The following FBXO25 variants were observed in gnomAD, a reference collection of about 807,000 sequenced individuals.
FBXO25 encodes the protein F-box protein 25, also known as F-box only protein 25.
In FBXO25, 45 loss-of-function variants were observed where a neutral mutation model predicts 51.9. The ratio of observed to expected loss-of-function variants is 0.87; its 90% CI spans 0.68 to 1.11. The LOEUF (loss-of-function observed/expected upper bound fraction) is 1.11. Ranked by LOEUF, FBXO25 falls within the 50% of genes most tolerant of loss-of-function variation. The pLI, the probability that FBXO25 is intolerant of heterozygous loss-of-function variation, is 0.00. For missense variants in FBXO25, 507 were observed against 428.5 expected (o/e 1.18, Z -1.62); for synonymous variants, 199 against 151.0 (o/e 1.32, Z -2.33).
intron 9 of FBXO25, among the ~76,000 whole-genome samples, chr8:466,499 T>C (rs376689062): frequency 7.2e-5 from 11 of 152,176 alleles, no homozygotes; most frequent in African/African-American, 2.4e-4. Context: ...ATCCCAGTAG[T>C]TTGTGTTGAC....
intron 5 of FBXO25, among the ~76,000 whole-genome samples, chr8:447,995 G>A (rs1798845091): frequency 3.9e-5 from 6 of 152,096 alleles, no homozygotes; most frequent in Admixed American, 3.9e-4. Flanking sequence ...GGAGAAGACA[G>A]AGATGTTTTG....
At chr8:413,031 T>G in intron 1 of FBXO25, 42 bp from the exon 2 acceptor site, 2 of 1,361,318 alleles carry the variant, frequency 1.5e-6, no homozygotes, top group Non-Finnish European at 1.9e-6. Context: ...GAAACTTTTA[T>G]GAATTATATA....
Position 476,807 on chromosome 8 carries a change from A to C in FBXO25, c.*8003A>C, listed in dbSNP as rs769524449. The C allele has an allele frequency of 1.4e-5, 2 of 144,076 alleles. No homozygotes were observed. The highest frequency in any genetic ancestry group is 3.0e-5 in the Non-Finnish European group (2 of 66,956). 8.9% of individuals were successfully genotyped at this position (144,076 alleles called of 1,614,324 possible). On this transcript the variant is annotated 3_prime_UTR_variant, in exon 10 of 10. Coordinates refer to ENST00000350302, the MANE Select transcript of FBXO25 (RefSeq NM_183420.2). Reference sequence around the variant, plus strand: ...TGTTCTCTATTTTGTCTCTGCTCTAATCTTTATTATTATTATAATCATCTC... The same window carrying C: ...TGTTCTCTATTTTGTCTCTGCTCTACTCTTTATTATTATTATAATCATCTC...
At chr8:409,575 T>G (rs987334350) in intron 1 of FBXO25, among the ~76,000 whole-genome samples, 1 of 152,184 alleles carries the variant, frequency 6.6e-6, no homozygotes, top group African/African-American at 2.4e-5. Context: ...ATTGTGAAAC[T>G]AGAAGATAAG....
chr8:438,558 T>G (rs372739481), intron 5 of FBXO25, among the ~76,000 whole-genome samples: 50 of 152,322 alleles, frequency 3.3e-4, no homozygotes, highest in African/African-American at 1.2e-3. Context: ...CTCTAATCTT[T>G]GAAGTTGAGT....
chr8:429,855 A>G (rs1326601574), intron 2 of FBXO25, among the ~76,000 whole-genome samples: 1 of 152,190 alleles, frequency 6.6e-6, no homozygotes, highest in Non-Finnish European at 1.5e-5. Context: ...CACCTGTGGA[A>G]TCCACAGTGT....
chr8:429,375 A>G lies in FBXO25; in HGVS notation c.135-1966A>G, dbSNP rs550897112. Among the ~76,000 whole-genome samples the G allele has an allele frequency of 6.6e-5, 10 of 152,128 alleles. No homozygotes were observed. The South Asian group carries it at 2.1e-3, about 32-fold the overall frequency. Reference sequence around the variant, plus strand: ...GAAGTGTCTGTTGAAGTTGTTTGACATTTTTTAATCAAGTTGTTGGGCAGG... The same window carrying G: ...GAAGTGTCTGTTGAAGTTGTTTGACGTTTTTTAATCAAGTTGTTGGGCAGG... On this transcript the variant is annotated intron_variant, in intron 2 of 9. Coordinates refer to ENST00000350302, the MANE Select transcript of FBXO25 (RefSeq NM_183420.2).
rs556154984 is a variant in FBXO25 at position 436,139 on chromosome 8, T to G, written c.381+432T>G. Among the ~76,000 whole-genome samples the G allele has an allele frequency of 1.4e-4, 21 of 152,346 alleles. 1 individual carries two copies. In the South Asian group the frequency reaches 3.9e-3, roughly 29 times the overall value. Reference sequence around the variant, plus strand: ...AGAAGTAGCTAATAGAAAACAGGAATTTCATACAAAATAGAATTCCACAAA... The same window carrying G: ...AGAAGTAGCTAATAGAAAACAGGAAGTTCATACAAAATAGAATTCCACAAA... On this transcript the variant is annotated intron_variant, in intron 5 of 9. Coordinates refer to ENST00000350302, the MANE Select transcript of FBXO25 (RefSeq NM_183420.2).
rs1178831481 is a variant in FBXO25, at chr8:470,800, A to G, written c.*1996A>G. Reference sequence around the variant, plus strand: ...TTTTAATAAGTGAAGAATTTGATGTATGATAAATTGTGAGCTTGAATATTT... The same window carrying G: ...TTTTAATAAGTGAAGAATTTGATGTGTGATAAATTGTGAGCTTGAATATTT... On this transcript the variant is annotated 3_prime_UTR_variant, in exon 10 of 10. Coordinates refer to ENST00000350302, the MANE Select transcript of FBXO25 (RefSeq NM_183420.2). 6.6e-6 allele frequency: 1 copy of G among 152,220 alleles called. No individual in the cohort carries two copies. Among genetic ancestry groups the G allele is most frequent in the Non-Finnish European group, 1.5e-5 (1 of 68,048 alleles). 9.4% of individuals were successfully genotyped at this position (152,220 alleles called of 1,614,324 possible).
chr8:444,702 A>C (rs1798628831), intron 5 of FBXO25, among the ~76,000 whole-genome samples: 1 of 152,090 alleles, frequency 6.6e-6, no homozygotes, highest in South Asian at 2.1e-4. Context: ...TCAATGACCG[A>C]CCGCGTGTAG....
At chr8:419,149 C>T (rs1403325292) in intron 2 of FBXO25, among the ~76,000 whole-genome samples, 1 of 151,574 alleles carries the variant, frequency 6.6e-6, no homozygotes, top group Non-Finnish European at 1.5e-5. Flanking sequence ...CACCTGAGGT[C>T]AGGAGTTCAA....
intron 2 of FBXO25, among the ~76,000 whole-genome samples, chr8:429,070 T>C (rs893953992): frequency 1.4e-4 from 22 of 152,190 alleles, no homozygotes; most frequent in Non-Finnish European, 2.5e-4. Context: ...AGTGGAATTG[T>C]TGGATCATAT....
intron 5 of FBXO25, among the ~76,000 whole-genome samples, chr8:445,591 G>A (rs1404884534): frequency 6.6e-6 from 1 of 152,154 alleles, no homozygotes; most frequent in South Asian, 2.1e-4. Flanking sequence ...AGTGGCTCAC[G>A]CCTATAATCC....
At chr8:439,529 C>A (rs1205963258) in intron 5 of FBXO25, among the ~76,000 whole-genome samples, 2 of 152,232 alleles carry the variant, frequency 1.3e-5, no homozygotes, top group Non-Finnish European at 2.9e-5. Context: ...ATAGCACATC[C>A]AGTGTCACAT....
intron 2 of FBXO25, among the ~76,000 whole-genome samples, chr8:413,561 CA>C (rs1796614844): frequency 1.3e-5 from 2 of 152,136 alleles, no homozygotes; most frequent in South Asian, 4.1e-4. Context: ...TTACACAAGA[CA>C]AATCAGTTTT....
chr8:442,908 C>T (rs2116665069), intron 5 of FBXO25, among the ~76,000 whole-genome samples: 1 of 152,306 alleles, frequency 6.6e-6, no homozygotes, highest in East Asian at 1.9e-4. Context: ...TGGTTGTAGG[C>T]TATTTAATTC....
chr8:407,317 G>C (rs1023763928), intron 1 of FBXO25: 83 of 972,056 alleles, frequency 8.5e-5, no homozygotes, highest in Non-Finnish European at 1.0e-4. Context: ...GGGTTGTCGC[G>C]GGCGCGTCAG....
In FBXO25 at chr8:440,861, G is replaced by C. The variant is rs538743342; in HGVS notation, c.381+5154G>C. On this transcript the variant is annotated intron_variant, in intron 5 of 9. Transcript: ENST00000350302. ...TGTTTGGTTTTCTGTTCTCGTGTTAGTTTGCTGAGAATAATGGTTTCCAGT... is the reference window on the plus strand; with the variant it reads ...TGTTTGGTTTTCTGTTCTCGTGTTACTTTGCTGAGAATAATGGTTTCCAGT... Among the ~76,000 whole-genome samples the C allele has an allele frequency of 9.1e-4, 131 of 144,698 alleles. 4 individuals carry two copies. In the East Asian group the frequency reaches 0.024, roughly 27 times the overall value. The allele number at this position is 144,698 out of a possible 152,430, so 94.9% of individuals were successfully genotyped here.
rs916454404 is a variant in FBXO25, at chr8:477,464, T to C, written c.*8660T>C. On this transcript the variant is annotated 3_prime_UTR_variant, in exon 10 of 10. Coordinates refer to ENST00000350302, the MANE Select transcript of FBXO25 (RefSeq NM_183420.2). ...TGTTTGGTGCATATATATTACATCT[T>C]GGTGAATTTTCAAACTTTTTAAATT... 1 of 152,252 alleles carries C rather than the reference T, an allele frequency of 6.6e-6. No individual in the cohort carries two copies. The highest frequency in any genetic ancestry group is 2.4e-5 in the African/African-American group (1 of 41,470). The allele number at this position is 152,252 out of a possible 1,614,324, so 9.4% of individuals were successfully genotyped here.
Sources: gnomAD v4.1 joint callset for allele counts (sites outside exome capture counted in the v4.1 genomes callset) on GRCh38, gnomAD v4.1.1 for gene constraint, MANE v1.5 for transcripts, NCBI Gene and HGNC (gene_info 2026-07-23, HGNC 2026-07-21) for gene names.